Variants in H2BC5 observed in about 807,000 individuals in gnomAD.
H2BC5 encodes the protein histone H2B type 1-D.
In H2BC5, 9 loss-of-function variants were observed where a neutral mutation model predicts 5.7. That is an observed-to-expected ratio of 1.57 (90% CI 0.95 to 2.74). The LOEUF (loss-of-function observed/expected upper bound fraction) is 2.74, where lower values mean the gene tolerates loss of function less well. H2BC5 is among the 30% of genes most tolerant of loss of function. The pLI, the probability that H2BC5 is intolerant of heterozygous loss-of-function variation, is 0.00. For missense variants in H2BC5, 175 were observed against 168.8 expected (o/e 1.04, Z -0.20); for synonymous variants, 133 against 70.9 (o/e 1.88, Z -4.40).
At chr6:26,166,626 AG>A (rs1181244257) in intron 1 of H2BC5, among the ~76,000 whole-genome samples, 1 of 150,390 alleles carries the variant, frequency 6.6e-6, no homozygotes, top group Non-Finnish European at 1.5e-5. Context: ...CCTTTGGGGC[AG>A]GGAGGTAAGG....
rs115792899 is a variant in H2BC5 at position 26,158,226 on chromosome 6, G to A, written c.57G>A (p.Val19=). Residue 19 remains valine (V), a synonymous_variant, in exon 1 of 1, where the codon GTG becomes GTA. Coordinates refer to ENST00000377777, the MANE Select transcript of H2BC5 (RefSeq NM_021063.4). The stretch of plus-strand genomic sequence containing the variant: ...CAAAGAAGGGCTCCAAGAAGGCGGT[G>A]ACTAAGGCTCAGAAGAAGGACGGGA... ...PAPKKGSKKA[V]TKAQKKDGKK... The A allele has an allele frequency of 2.8e-5, 45 of 1,614,124 alleles. No individual in the cohort carries two copies. The East Asian group carries it at 9.6e-4, about 34-fold the overall frequency.
chr6:26,171,125 C>T (rs1312732109), exon 2 of H2BC5: 3 of 152,174 alleles, frequency 2.0e-5, no homozygotes, highest in Non-Finnish European at 4.4e-5. Context: ...CACACTGGTT[C>T]ATCAAAAGAA....
At chr6:26,160,911 G>T (rs1027640527), downstream of H2BC5, 1 of 142,090 alleles carries the variant, frequency 7.0e-6, no homozygotes, top group African/African-American at 2.6e-5. Context: ...GTGTCTTTTT[G>T]AAAAAAGAAA....
downstream of H2BC5, among the ~76,000 whole-genome samples, chr6:26,162,475 T>G (rs139539858): frequency 3.7e-4 from 57 of 152,292 alleles, no homozygotes; most frequent in Admixed American, 6.5e-4. Flanking sequence ...TATAATTGCT[T>G]TTGTGTGTAT....
Position 26,158,607 on chromosome 6 carries a change from A to G in H2BC5, c.*57A>G, listed in dbSNP as rs41266799. 4 of 1,590,630 alleles carry G rather than the reference A, an allele frequency of 2.5e-6. No individual in the cohort carries two copies. In the Admixed American group the frequency reaches 5.5e-5, roughly 22 times the overall value. On this transcript the variant is annotated 3_prime_UTR_variant, in exon 1 of 1. Coordinates refer to ENST00000377777, the MANE Select transcript of H2BC5 (RefSeq NM_021063.4). ...CCAAAGGCTCTTTTAAGAGCCACGC[A>G]TGTTTTCAATAAATGAGTTGTAATC...
intron 1 of H2BC5, among the ~76,000 whole-genome samples, chr6:26,168,927 C>T (rs1169935332): frequency 6.6e-6 from 1 of 151,822 alleles, no homozygotes; most frequent in Non-Finnish European, 1.5e-5. Flanking sequence ...TTAGAATGTC[C>T]GAGAAACAGA....
At chr6:26,167,617 G>C (rs191632618) in intron 1 of H2BC5, among the ~76,000 whole-genome samples, 24 of 152,276 alleles carry the variant, frequency 1.6e-4, no homozygotes, top group African/African-American at 5.5e-4. Context: ...CGGAGGGTGA[G>C]GGTTGTTTTT....
At chr6:26,159,412 C>T (rs1463646955), downstream of H2BC5, among the ~76,000 whole-genome samples, 1 of 151,898 alleles carries the variant, frequency 6.6e-6, no homozygotes, top group East Asian at 1.9e-4. Flanking sequence ...TCCTAGATGC[C>T]CCTGAGTACG....
rs2113830767 is a variant in H2BC5 at position 26,158,252 on chromosome 6, A to G, written c.83A>G (p.Lys28Arg). The change falls in exon 1 of 1, where the codon AAG (lysine) becomes AGG (arginine). Residue 28 changes from lysine to arginine, a missense_variant. Coordinates refer to ENST00000377777, the MANE Select transcript of H2BC5 (RefSeq NM_021063.4). ...ACTAAGGCTCAGAAGAAGGACGGGA[A>G]GAAGCGCAAGCGCAGCCGCAAGGAG... is the stretch of plus-strand genomic sequence containing the variant. ...AVTKAQKKDG[K>R]KRKRSRKESY... 6.2e-7 allele frequency: 1 copy of G among 1,614,272 alleles called. No individual in the cohort carries two copies. Among genetic ancestry groups the G allele is most frequent in the Non-Finnish European group, 8.5e-7 (1 of 1,180,046 alleles).
Position 26,166,684 on chromosome 6 carries a change from A to G in H2BC5, c.*10-4291A>G, listed in dbSNP as rs139683759. On this transcript the variant is annotated intron_variant, in intron 1 of 1. Coordinates refer to the H2BC5 transcript ENST00000289316. ...GTGGTCGGCACGAGCAGAGGGGGAT[A>G]CTTTTGGCTTTTTTTTTTTTTTTTT... is the stretch of plus-strand genomic sequence containing the variant. 8.5e-3 allele frequency among the ~76,000 whole-genome samples: 1,099 copies of G among 129,238 alleles called. 12 individuals are homozygous for G. Among genetic ancestry groups the G allele is most frequent in the African/African-American group, 0.028 (940 of 33,874 alleles). 84.8% of individuals were successfully genotyped at this position (129,238 alleles called of 152,430 possible).
At chr6:26,161,767 T>G (rs1379100352), downstream of H2BC5, among the ~76,000 whole-genome samples, 1 of 152,066 alleles carries the variant, frequency 6.6e-6, no homozygotes, top group Admixed American at 6.6e-5. Context: ...AGTGAGACCT[T>G]GTCTCAAATA....
At chr6:26,164,121 G>GAGT (rs1420485470) in intron 1 of H2BC5, 3 of 455,014 alleles carry the variant, frequency 6.6e-6, no homozygotes, top group African/African-American at 6.1e-5. Context: ...GAAGACTTCT[G>GAGT]AGTAGATCCC....
At chr6:26,166,970 G>C (rs1764441625) in intron 1 of H2BC5, among the ~76,000 whole-genome samples, 1 of 151,028 alleles carries the variant, frequency 6.6e-6, no homozygotes, top group Non-Finnish European at 1.5e-5. Flanking sequence ...CAAAGTGCTG[G>C]GATTACAGGC....
downstream of H2BC5, chr6:26,163,403 T>C (rs1764378164): frequency 6.6e-6 from 1 of 152,196 alleles, no homozygotes; most frequent in Admixed American, 6.5e-5. Context: ...GTGTAACAAA[T>C]TATCCCAAAA....
downstream of H2BC5, among the ~76,000 whole-genome samples, chr6:26,162,298 T>C (rs991433828): frequency 6.6e-6 from 1 of 151,836 alleles, no homozygotes; most frequent in Admixed American, 6.6e-5. Context: ...CATATAGTAC[T>C]ATTAGCAAAT....
chr6:26,163,531 T>C (rs1000279080), downstream of H2BC5: 6 of 152,176 alleles, frequency 3.9e-5, no homozygotes, highest in Admixed American at 2.0e-4. Flanking sequence ...AATCCTTGAC[T>C]GTAGCTGGAG....
At chr6:26,158,619 A>C, downstream of H2BC5, 2 of 1,581,062 alleles carry the variant, frequency 1.3e-6, no homozygotes, top group Admixed American at 1.9e-5. Flanking sequence ...GTTTTCAATA[A>C]ATGAGTTGTA....
chr6:26,166,692 C>CTTTTTTTTTT (rs139697089), intron 1 of H2BC5, among the ~76,000 whole-genome samples: 3 of 90,164 alleles, frequency 3.3e-5, no homozygotes, highest in African/African-American at 4.7e-5. Context: ...ATACTTTTGG[C>CTTTTTTTTTT]TTTTTTTTTT....
downstream of H2BC5, among the ~76,000 whole-genome samples, chr6:26,162,216 A>T (rs962159928): frequency 2.0e-5 from 3 of 152,006 alleles, no homozygotes; most frequent in Non-Finnish European, 2.9e-5. Context: ...TATTTACATG[A>T]ATTTTGTGTC....
Sources: gnomAD v4.1 joint callset for allele counts (sites outside exome capture counted in the v4.1 genomes callset) on GRCh38, gnomAD v4.1.1 for gene constraint, MANE v1.5 for transcripts, NCBI Gene and HGNC (gene_info 2026-07-23, HGNC 2026-07-21) for gene names.